AKAP6: variants seen among roughly 807,000 people sequenced by gnomAD.
The protein encoded by AKAP6 is A-kinase anchor protein 6.
AKAP6 carries 58 observed loss-of-function variants against 188.5 expected under a neutral mutation model. The ratio of observed to expected loss-of-function variants is 0.31; its 90% CI spans 0.25 to 0.38. The LOEUF (loss-of-function observed/expected upper bound fraction) is 0.38. Among genes scored for constraint, AKAP6 ranks in the 10% least tolerant of loss-of-function variants. AKAP6 has a pLI of 1.00. For synonymous variants in AKAP6, 989 were observed against 998.6 expected, an observed-to-expected ratio of 0.99 and a Z score of 0.18; for missense variants, 2,710 against 2,740.0, an observed-to-expected ratio of 0.99 and a Z score of 0.24.
At chr14:32,417,456 G>T (rs565097563) in intron 1 of AKAP6, among the ~76,000 whole-genome samples, 66 of 152,236 alleles carry the variant, frequency 4.3e-4, no homozygotes, top group African/African-American at 1.5e-3. Context: ...TTTTCTCCAC[G>T]TATTTCTCTG....
At chr14:32,579,603 G>C (rs1292811417) in intron 5 of AKAP6, among the ~76,000 whole-genome samples, 1 of 152,118 alleles carries the variant, frequency 6.6e-6, no homozygotes, top group East Asian at 1.9e-4. Context: ...AAGAGCTACT[G>C]TTACACTGGA....
chr14:32,562,719 C>T (rs1239873458), intron 4 of AKAP6, among the ~76,000 whole-genome samples: 1 of 152,102 alleles, frequency 6.6e-6, no homozygotes, highest in African/African-American at 2.4e-5. Flanking sequence ...GATTGCACCA[C>T]TGCACTCCAG....
At chr14:32,697,962 C>T (rs980691842) in intron 9 of AKAP6, among the ~76,000 whole-genome samples, 1 of 152,128 alleles carries the variant, frequency 6.6e-6, no homozygotes, top group Non-Finnish European at 1.5e-5. Context: ...GTCCTGTCAC[C>T]ATTCTTCTGC....
At position 32,821,619 on chromosome 14, in the gene AKAP6, G is replaced by A; in HGVS notation, c.3806G>A (p.Gly1269Glu). 1.2e-6 allele frequency: 2 copies of A among 1,613,632 alleles called. No homozygotes were observed. The highest frequency in any genetic ancestry group is 1.3e-5 in the African/African-American group (1 of 74,942). The change falls in exon 13 of 14, where the codon GGG becomes GAG. Residue 1269 changes from glycine (G) to glutamate (E), a missense_variant. This residue lies in a region of AKAP6 where 2,473 missense variants were observed against 2,426.1 expected (regional missense o/e 1.02). Transcript: ENST00000280979. ...PGYDEEADNH[G>E]GSQYASNITA... ...TATGACGAGGAGGCTGATAACCATG[G>A]GGGATCTCAGTATGCCTCAAATATT...
intron 8 of AKAP6, among the ~76,000 whole-genome samples, chr14:32,692,644 T>C (rs1239363966): frequency 1.3e-5 from 2 of 152,216 alleles, no homozygotes; most frequent in African/African-American, 4.8e-5. Flanking sequence ...TTTTCTGAAG[T>C]CATTCTTGCC....
intron 7 of AKAP6, among the ~76,000 whole-genome samples, chr14:32,658,614 G>T (rs570067333): frequency 1.3e-5 from 2 of 151,574 alleles, no homozygotes; most frequent in African/African-American, 4.8e-5. Context: ...GAAGCAATGG[G>T]TTCAATTTTC....
intron 12 of AKAP6, among the ~76,000 whole-genome samples, chr14:32,813,379 C>T (rs1258509937): frequency 7.2e-6 from 1 of 139,718 alleles, no homozygotes; most frequent in Non-Finnish European, 1.5e-5. Context: ...CAGTTTTCAT[C>T]TCTAACCCTA....
chr14:32,730,810 GTCC>G (rs774366938), intron 9 of AKAP6, among the ~76,000 whole-genome samples: 1 of 152,138 alleles, frequency 6.6e-6, no homozygotes, highest in African/African-American at 2.4e-5. Context: ...AAAGCAGATT[GTCC>G]TCTCCTCCAA....
intron 7 of AKAP6, among the ~76,000 whole-genome samples, chr14:32,628,880 A>T (rs1412111667): frequency 6.6e-6 from 1 of 152,144 alleles, no homozygotes; most frequent in African/African-American, 2.4e-5. Context: ...ACACTTTGTT[A>T]AAATATTTAA....
At chr14:32,655,485 TTA>T (rs1888417279) in intron 7 of AKAP6, among the ~76,000 whole-genome samples, 1 of 152,174 alleles carries the variant, frequency 6.6e-6, no homozygotes, top group South Asian at 2.1e-4. Context: ...GTCCTTAACT[TTA>T]AGAAGCTCAT....
At chr14:32,488,397 G>A (rs1398283862) in intron 2 of AKAP6, among the ~76,000 whole-genome samples, 1 of 152,160 alleles carries the variant, frequency 6.6e-6, no homozygotes, top group Non-Finnish European at 1.5e-5. Context: ...CTGGAGCATT[G>A]TCCAGGTGGA....
At chr14:32,460,614 C>A (rs773358099) in intron 2 of AKAP6, among the ~76,000 whole-genome samples, 4 of 152,212 alleles carry the variant, frequency 2.6e-5, no homozygotes, top group Non-Finnish European at 5.9e-5. Context: ...ATCACCAGGG[C>A]CCTGGGTTTC....
At chr14:32,782,535 C>A (rs1350796726) in intron 12 of AKAP6, among the ~76,000 whole-genome samples, 3 of 151,842 alleles carry the variant, frequency 2.0e-5, no homozygotes, top group Non-Finnish European at 2.9e-5. Context: ...GATACTAGAA[C>A]AAATAAGGGA....
At chr14:32,494,214 A>G (rs1880188435) in intron 2 of AKAP6, 1 of 152,128 alleles carries the variant, frequency 6.6e-6, no homozygotes, top group Admixed American at 6.5e-5. Flanking sequence ...ATATCTAGCT[A>G]TGCCCACCCC....
At chr14:32,575,404 A>G (rs948620561) in intron 4 of AKAP6, among the ~76,000 whole-genome samples, 4 of 152,168 alleles carry the variant, frequency 2.6e-5, no homozygotes, top group Admixed American at 6.5e-5. Flanking sequence ...TCTGTTGGAC[A>G]TATTTTCACC....
intron 12 of AKAP6, among the ~76,000 whole-genome samples, chr14:32,777,675 G>A (rs541771713): frequency 6.6e-6 from 1 of 152,290 alleles, no homozygotes; most frequent in African/African-American, 2.4e-5. Flanking sequence ...AATAAAATCA[G>A]AGCATCAGTG....
Position 32,452,258 on chromosome 14 carries a change from T to G in AKAP6, c.324+18441T>G, listed in dbSNP as rs113949455. The stretch of plus-strand genomic sequence containing the variant: ...CTTGTTGCCCAGGCTGGTCTCAAAC[T>G]CCTGAGCTCAAGCAATCTGCCGACC... On this transcript the variant is annotated intron_variant, in intron 2 of 13. Coordinates refer to ENST00000280979, the MANE Select transcript of AKAP6 (RefSeq NM_004274.5). Among the ~76,000 whole-genome samples, 907 of 152,026 alleles carry G rather than the reference T, an allele frequency of 6.0e-3. 6 individuals carry two copies. Among genetic ancestry groups the G allele is most frequent in the African/African-American group, 0.021 (874 of 41,480 alleles).
intron 1 of AKAP6, among the ~76,000 whole-genome samples, chr14:32,397,472 G>A (rs546537026): frequency 8.8e-4 from 133 of 150,730 alleles, no homozygotes; most frequent in African/African-American, 3.1e-3. Context: ...CTGCCTCCCA[G>A]GTTCAAGTGA....
intron 2 of AKAP6, among the ~76,000 whole-genome samples, chr14:32,455,000 T>A (rs6571519): frequency 0.34 from 50,137 of 146,320 alleles, 12,916 homozygotes; most frequent in African/African-American, 0.74. Flanking sequence ...GGGTCTTGCT[T>A]TTTCACCCAG....
Sources: gnomAD v4.1 joint callset for allele counts (sites outside exome capture counted in the v4.1 genomes callset) on GRCh38, gnomAD v4.1.1 for gene constraint, gnomAD v4.1.1 regional missense constraint, MANE v1.5 for transcripts, NCBI Gene and HGNC (gene_info 2026-07-23, HGNC 2026-07-21) for gene names.